Variants in CNTNAP2 observed in about 807,000 individuals in gnomAD.
CNTNAP2 encodes the protein contactin-associated protein-like 2.
CNTNAP2 carries 98 observed loss-of-function variants against 155.2 expected under a neutral mutation model. The ratio of observed to expected loss-of-function variants is 0.63; its 90% CI spans 0.54 to 0.75. The LOEUF (loss-of-function observed/expected upper bound fraction) is 0.75, where lower values mean the gene tolerates loss of function less well. Among genes scored for constraint, CNTNAP2 ranks in the 30% least tolerant of loss-of-function variants. The pLI, the probability that CNTNAP2 is intolerant of heterozygous loss-of-function variation, is 0.00. For missense variants in CNTNAP2, 1,727 were observed against 1,688.1 expected (o/e 1.02, Z -0.40); for synonymous variants, 651 against 631.2 (o/e 1.03, Z -0.47).
intron 14 of CNTNAP2, among the ~76,000 whole-genome samples, chr7:147,939,717 A>G (rs1800681399): frequency 6.6e-6 from 1 of 152,158 alleles, no homozygotes; most frequent in Non-Finnish European, 1.5e-5. Context: ...GTCAAGAATG[A>G]CGAAAGGAGC....
In CNTNAP2 at chr7:147,988,852, C is replaced by A. The variant is rs147393658; in HGVS notation, c.2383+10863C>A. ...GGATCTAAACATCCACAGTGTGGAG[C>A]ATACTTTGGAAGTGACAGAAACACG... is the stretch of plus-strand genomic sequence containing the variant. On this transcript the variant is annotated intron_variant, in intron 15 of 23. Coordinates refer to ENST00000361727, the MANE Select transcript of CNTNAP2 (RefSeq NM_014141.6). 3.2e-3 allele frequency among the ~76,000 whole-genome samples: 485 copies of A among 152,290 alleles called. 5 individuals are homozygous for A. Among genetic ancestry groups the A allele is most frequent in the African/African-American group, 0.01 (425 of 41,562 alleles).
At chr7:148,188,753 T>G (rs1330281615) in intron 18 of CNTNAP2, among the ~76,000 whole-genome samples, 1 of 152,258 alleles carries the variant, frequency 6.6e-6, no homozygotes, top group Admixed American at 6.5e-5. Context: ...TTATAATGTA[T>G]GTACCGTACT....
intron 1 of CNTNAP2, among the ~76,000 whole-genome samples, chr7:146,144,776 T>C (rs1797933737): frequency 6.6e-6 from 1 of 152,212 alleles, no homozygotes; most frequent in African/African-American, 2.4e-5. Context: ...TAAATCCCAC[T>C]TTTTTGTACA....
chr7:146,497,311 C>T (rs1265099204), intron 1 of CNTNAP2, among the ~76,000 whole-genome samples: 2 of 152,054 alleles, frequency 1.3e-5, no homozygotes, highest in East Asian at 1.9e-4. Context: ...CTGATTAAAA[C>T]ATTGTTTATC....
intron 1 of CNTNAP2, among the ~76,000 whole-genome samples, chr7:146,669,561 A>C (rs1180449339): frequency 6.6e-6 from 1 of 152,176 alleles, no homozygotes; most frequent in Non-Finnish European, 1.5e-5. Flanking sequence ...ATATATTGAA[A>C]TGTACTTCAG....
chr7:148,084,392 C>G (rs75498152), intron 15 of CNTNAP2, among the ~76,000 whole-genome samples: 3 of 152,216 alleles, frequency 2.0e-5, no homozygotes, highest in African/African-American at 7.2e-5. Flanking sequence ...AGAGGCTTGG[C>G]TCTCTGCCCC....
chr7:147,860,294 C>T (rs13225375), intron 13 of CNTNAP2, among the ~76,000 whole-genome samples: 24,255 of 151,978 alleles, frequency 0.16, 2,059 homozygotes, highest in Admixed American at 0.21. Flanking sequence ...GCACGGTGGT[C>T]TGCGCCTGTA....
chr7:146,346,436 C>G (rs1794820006), intron 1 of CNTNAP2, among the ~76,000 whole-genome samples: 1 of 152,168 alleles, frequency 6.6e-6, no homozygotes, highest in South Asian at 2.1e-4. Flanking sequence ...AATCCCAGCA[C>G]TTTGGGAGGC....
At chr7:146,210,574 A>G (rs147523510) in intron 1 of CNTNAP2, among the ~76,000 whole-genome samples, 1 of 152,170 alleles carries the variant, frequency 6.6e-6, no homozygotes, top group Non-Finnish European at 1.5e-5. Context: ...GAAGTGCTGG[A>G]ATTACAGGTG....
chr7:146,665,846 A>G (rs1439719796), intron 1 of CNTNAP2, among the ~76,000 whole-genome samples: 2 of 147,940 alleles, frequency 1.4e-5, no homozygotes, highest in Non-Finnish European at 3.0e-5. Flanking sequence ...CACTTTTAAA[A>G]TTATATTGTC....
intron 13 of CNTNAP2, among the ~76,000 whole-genome samples, chr7:147,880,895 T>TGTGTGTG: frequency 1.5e-5 from 1 of 66,852 alleles, no homozygotes. Flanking sequence ...GTGTGTGTGT[T>TGTGTGTG]TCCAAGTAAG....
At chr7:147,323,540 A>AG (rs1160405526) in intron 9 of CNTNAP2, among the ~76,000 whole-genome samples, 2 of 150,246 alleles carry the variant, frequency 1.3e-5, no homozygotes, top group African/African-American at 4.9e-5. Context: ...TGCTGAAAAA[A>AG]AATGTATATT....
chr7:148,007,905 T>TC (rs1307336115), intron 15 of CNTNAP2, among the ~76,000 whole-genome samples: 1 of 152,140 alleles, frequency 6.6e-6, no homozygotes, highest in African/African-American at 2.4e-5. Context: ...CAGAATAATG[T>TC]CCGCCACCAA....
At position 148,365,899 on chromosome 7, in the gene CNTNAP2, T is replaced by C. The variant is rs139073094; in HGVS notation, c.3476-17750T>C. ...GCATGTATACATGTATGTGTATGCA[T>C]GTATACATGCGTGTATGCATGTATA... On this transcript the variant is annotated intron_variant, in intron 21 of 23. Transcript: ENST00000361727. Among the ~76,000 whole-genome samples the C allele has an allele frequency of 4.4e-3, 56 of 12,772 alleles. 26 individuals are homozygous for C. The highest frequency in any genetic ancestry group is 5.2e-3 in the African/African-American group (31 of 5,954). The allele number at this position is 12,772 out of a possible 152,430, so 8.4% of individuals were successfully genotyped here. A position where few individuals can be genotyped will look rare whatever the true frequency, so the allele number is the denominator to read the frequency against.
At chr7:146,251,224 A>G (rs1292281252) in intron 1 of CNTNAP2, among the ~76,000 whole-genome samples, 6 of 152,146 alleles carry the variant, frequency 3.9e-5, no homozygotes, top group African/African-American at 1.2e-4. Context: ...TAATTAAATT[A>G]CCCTGATTCA....
chr7:147,440,131 G>T (rs1332793341), intron 10 of CNTNAP2, among the ~76,000 whole-genome samples: 1 of 151,754 alleles, frequency 6.6e-6, no homozygotes, highest in African/African-American at 2.4e-5. Context: ...TTGTTTTGTG[G>T]TCTTCTCTTC....
rs113266240 is a variant in CNTNAP2, at chr7:148,108,365, A to T, written c.2384-9753A>T. Among the ~76,000 whole-genome samples, 290 of 65,534 alleles carry T rather than the reference A, an allele frequency of 4.4e-3. 1 individual carries two copies. Among genetic ancestry groups the T allele is most frequent in the East Asian group, 4.7e-3 (2 of 430 alleles). 43.0% of individuals were successfully genotyped at this position (65,534 alleles called of 152,430 possible). A position where few individuals can be genotyped will look rare whatever the true frequency, so the allele number is the denominator to read the frequency against. ...TCCTGAATGGAATTACCAAAAAATT[A>T]AAAAAAAAAAAATCAGTGGAGATGA... On this transcript the variant is annotated intron_variant, in intron 15 of 23. Coordinates refer to ENST00000361727, the MANE Select transcript of CNTNAP2 (RefSeq NM_014141.6).
At chr7:147,516,644 G>T (rs1033520061) in intron 11 of CNTNAP2, among the ~76,000 whole-genome samples, 1 of 137,230 alleles carries the variant, frequency 7.3e-6, no homozygotes, top group African/African-American at 2.7e-5. Flanking sequence ...GTGTGTGTGT[G>T]TTACTAGGAT....
At chr7:148,319,376 AT>A (rs1348715522) in intron 21 of CNTNAP2, among the ~76,000 whole-genome samples, 3 of 152,156 alleles carry the variant, frequency 2.0e-5, no homozygotes, top group African/African-American at 7.2e-5. Flanking sequence ...ATTTTTCAAT[AT>A]AAAAATTATT....
Sources: gnomAD v4.1 joint callset for allele counts (sites outside exome capture counted in the v4.1 genomes callset) on GRCh38, gnomAD v4.1.1 for gene constraint, MANE v1.5 for transcripts, NCBI Gene and HGNC (gene_info 2026-07-23, HGNC 2026-07-21) for gene names.